The following CELF2 variants were observed in gnomAD, a reference collection of about 807,000 sequenced individuals.
CELF2 encodes CUGBP Elav-like family member 2.
CELF2 carries 8 observed loss-of-function variants against 62.6 expected under a neutral mutation model. The observed-to-expected ratio is 0.13, with a 90% CI of 0.07 to 0.23. CELF2 has a LOEUF of 0.23. Among genes scored for constraint, CELF2 ranks in the 10% least tolerant of loss-of-function variants. CELF2 has a pLI of 1.00. For missense variants in CELF2, 333 were observed against 671.0 expected, an observed-to-expected ratio of 0.50 and a Z score of 5.56; for synonymous variants, 258 against 250.0, an observed-to-expected ratio of 1.03 and a Z score of -0.30.
the CELF2 span, among the ~76,000 whole-genome samples, chr10:10,513,470 C>T: frequency 1.3e-5 from 2 of 152,164 alleles, no homozygotes; most frequent in Non-Finnish European, 2.9e-5. Flanking sequence ...GTAACTACTT[C>T]TGTCCAGTTA....
At chr10:10,955,156 C>T (rs1215441204) in intron 2 of CELF2, among the ~76,000 whole-genome samples, 1 of 152,256 alleles carries the variant, frequency 6.6e-6, no homozygotes, top group Non-Finnish European at 1.5e-5. Context: ...AGATGGTGTT[C>T]TCTCCATGTT....
intron 9 of CELF2, among the ~76,000 whole-genome samples, chr10:11,299,343 C>T (rs762076688): frequency 1.3e-4 from 20 of 152,260 alleles, no homozygotes; most frequent in Admixed American, 2.6e-4. Flanking sequence ...CCTGCTGTGA[C>T]GTCCCTGGGC....
At chr10:10,929,663 A>G (rs1244258593) in intron 2 of CELF2, 1 of 152,238 alleles carries the variant, frequency 6.6e-6, no homozygotes, top group Non-Finnish European at 1.5e-5. Context: ...CATCTGTAAA[A>G]TGGGTAATAA....
rs1425823238 is a variant in CELF2 at position 11,270,262 on chromosome 10, G to A, written c.619-404G>A. Among the ~76,000 whole-genome samples, 1 of 152,158 alleles carries A rather than the reference G, an allele frequency of 6.6e-6. No individual in the cohort carries two copies. Among genetic ancestry groups the A allele is most frequent in the South Asian group, 2.1e-4 (1 of 4,822 alleles). On this transcript the variant is annotated intron_variant, in intron 6 of 12. Coordinates refer to ENST00000633077, the MANE Select transcript of CELF2 (RefSeq NM_001326342.2). This position sits in a 1 kb window ranked among gnomAD's most constrained non-coding sequence, Gnocchi z 5.8. ...TTACAGATTCTCCCCTTTGTCCTCT[G>A]TCCACCTGTGGACACGGGCAGACAC... is the stretch of plus-strand genomic sequence containing the variant.
chr10:10,693,283 T>C, the CELF2 span, among the ~76,000 whole-genome samples: 2 of 134,930 alleles, frequency 1.5e-5, no homozygotes, highest in African/African-American at 5.7e-5. Context: ...GGTTTTTGTC[T>C]TTGGCTCTGT....
At chr10:11,115,618 A>G (rs1183573526) in intron 1 of CELF2, among the ~76,000 whole-genome samples, 1 of 152,180 alleles carries the variant, frequency 6.6e-6, no homozygotes, top group Non-Finnish European at 1.5e-5. Flanking sequence ...AATGATATGG[A>G]ATTTCTTCAA....
the CELF2 span, among the ~76,000 whole-genome samples, chr10:10,740,604 G>C: frequency 5.3e-5 from 8 of 152,130 alleles, no homozygotes; most frequent in Non-Finnish European, 1.2e-4. Flanking sequence ...AAAGATGTCA[G>C]CACCTTGCAG....
chr10:10,877,632 A>G (rs754019677), intron 1 of CELF2, among the ~76,000 whole-genome samples: 2 of 152,198 alleles, frequency 1.3e-5, no homozygotes, highest in Non-Finnish European at 2.9e-5. Context: ...GGGCCCTGAG[A>G]TTTATTTTCC....
intron 1 of CELF2, among the ~76,000 whole-genome samples, chr10:11,131,849 G>C (rs7092041): frequency 0.024 from 3,653 of 152,306 alleles, 145 homozygotes; most frequent in African/African-American, 0.084. Flanking sequence ...ATTGCGGCTG[G>C]TTAGACATAA....
chr10:10,710,481 T>G, the CELF2 span, among the ~76,000 whole-genome samples: 1 of 152,186 alleles, frequency 6.6e-6, no homozygotes, highest in African/African-American at 2.4e-5. Context: ...AAGCACATGC[T>G]CCACAAATGG....
chr10:11,010,388 G>A lies in CELF2; in HGVS notation c.53+4948G>A, dbSNP rs1423710392. Among the ~76,000 whole-genome samples, 1 of 152,176 alleles carries A rather than the reference G, an allele frequency of 6.6e-6. No individual in the cohort carries two copies. The highest frequency in any genetic ancestry group is 6.5e-5 in the Admixed American group (1 of 15,286). On this transcript the variant is annotated intron_variant, in intron 1 of 12. Coordinates refer to the CELF2 transcript ENST00000416382. The surrounding 1 kb of genome is among the most constrained non-coding windows in gnomAD (Gnocchi z 4.1). ...CAGTGCTAAAAGAACAATCGAATCA[G>A]TACTGGCCTTCTCTCTTCCTTTCCA... is the stretch of plus-strand genomic sequence containing the variant.
chr10:10,738,905 C>T, the CELF2 span, among the ~76,000 whole-genome samples: 8 of 152,046 alleles, frequency 5.3e-5, no homozygotes, highest in Non-Finnish European at 1.2e-4. Flanking sequence ...CTTTTATTCA[C>T]TAATTGTAAA....
At chr10:10,818,088 T>C (rs1188643710) in intron 1 of CELF2, among the ~76,000 whole-genome samples, 1 of 152,218 alleles carries the variant, frequency 6.6e-6, no homozygotes, top group African/African-American at 2.4e-5. Flanking sequence ...ATATTTCTGA[T>C]CACCAAGGGT....
In CELF2 at chr10:11,223,149, T is replaced by C. The variant is rs2065399172; in HGVS notation, c.354+5642T>C. On this transcript the variant is annotated intron_variant, in intron 3 of 12. Transcript: ENST00000633077. This position sits in a 1 kb window ranked among gnomAD's most constrained non-coding sequence, Gnocchi z 5.1. ...TTGAGTCCGGATCATGGCAGATTCA[T>C]GGTGCGTGTTAGAGAGGGTGCTTGA... Among the ~76,000 whole-genome samples, 1 of 152,212 alleles carries C rather than the reference T, an allele frequency of 6.6e-6. No individual in the cohort carries two copies. Among genetic ancestry groups the C allele is most frequent in the Non-Finnish European group, 1.5e-5 (1 of 68,036 alleles).
rs1236890531 is a variant in CELF2, at chr10:10,842,523, G to A, written c.53+43706G>A. On this transcript the variant is annotated intron_variant, in intron 1 of 13. Transcript: ENST00000636488. Reference sequence around the variant, plus strand: ...GAATGAATGTTAGAATTTTTCAAATGCTTTTTCTGCATCAATTGACGTGAT... The same window carrying A: ...GAATGAATGTTAGAATTTTTCAAATACTTTTTCTGCATCAATTGACGTGAT... 1.3e-5 allele frequency among the ~76,000 whole-genome samples: 2 copies of A among 151,862 alleles called. 1 individual carries two copies. Among genetic ancestry groups the A allele is most frequent in the East Asian group, 3.9e-4 (2 of 5,188 alleles).
the CELF2 span, among the ~76,000 whole-genome samples, chr10:10,472,931 T>C: frequency 6.6e-6 from 1 of 151,952 alleles, no homozygotes; most frequent in East Asian, 1.9e-4. Context: ...TATGGGTTCT[T>C]CTATGAATTT....
At chr10:11,199,394 G>A (rs61830890) in intron 2 of CELF2, among the ~76,000 whole-genome samples, 9,390 of 152,132 alleles carry the variant, frequency 0.062, 408 homozygotes, top group Non-Finnish European at 0.092. Flanking sequence ...CCTTGAGCCC[G>A]GGCCATCCTT....
chr10:10,801,830 T>C (rs1403474163), intron 1 of CELF2, among the ~76,000 whole-genome samples: 2 of 152,248 alleles, frequency 1.3e-5, no homozygotes, highest in East Asian at 3.9e-4. Flanking sequence ...TGCCACAATA[T>C]AGTGTTTTAG....
intron 9 of CELF2, among the ~76,000 whole-genome samples, chr10:11,293,877 T>C (rs529598615): frequency 6.6e-6 from 1 of 152,288 alleles, no homozygotes; most frequent in South Asian, 2.1e-4. Flanking sequence ...CAGTCTAGTT[T>C]AGCGCACACG....
Sources: gnomAD v4.1 joint callset for allele counts (sites outside exome capture counted in the v4.1 genomes callset) on GRCh38, gnomAD v4.1.1 for gene constraint, Gnocchi (gnomAD v3.1) non-coding constraint, MANE v1.5 for transcripts, NCBI Gene and HGNC (gene_info 2026-07-23, HGNC 2026-07-21) for gene names.